The following CEP295 variants were observed in gnomAD, a reference collection of about 807,000 sequenced individuals.
The protein encoded by CEP295 is centrosomal protein 295.
In CEP295, 190 loss-of-function variants were observed where a neutral mutation model predicts 291.6. That is an observed-to-expected ratio of 0.65 (90% CI 0.58 to 0.73). The LOEUF is 0.73. Ranked by LOEUF, CEP295 falls within the 30% of genes least tolerant of loss-of-function variation. The probability of loss-of-function intolerance (pLI) is 0.00; values close to 1 mark genes in which losing one functional copy is unlikely to be tolerated. For synonymous variants in CEP295, 993 were observed against 1,038.8 expected (o/e 0.96, Z 0.85); for missense variants, 2,863 against 2,949.4 (o/e 0.97, Z 0.68).
intron 9 of CEP295, among the ~76,000 whole-genome samples, chr11:93,686,188 G>A (rs1481281286): frequency 1.3e-5 from 2 of 151,842 alleles, no homozygotes; most frequent in African/African-American, 2.4e-5. Context: ...GTGTAGTGGC[G>A]CTCACCTGTA....
chr11:93,668,767 T>C, intron 3 of CEP295, 41 bp from the exon 4 acceptor site: 1 of 1,381,238 alleles, frequency 7.2e-7, no homozygotes, highest in Non-Finnish European at 9.8e-7. Context: ...ATTTCTATTA[T>C]TCTTGTTTAA....
chr11:93,691,580 A>G (rs1951555387), intron 10 of CEP295, 103 bp from the exon 11 acceptor site: 2 of 692,062 alleles, frequency 2.9e-6, no homozygotes, highest in African/African-American at 1.8e-5. Context: ...TGAGACATTC[A>G]GATGGCCCTA....
At chr11:93,663,163 G>A (rs1274642533) in intron 1 of CEP295, among the ~76,000 whole-genome samples, 1 of 152,156 alleles carries the variant, frequency 6.6e-6, no homozygotes, top group Non-Finnish European at 1.5e-5. Flanking sequence ...TTTGCACTGA[G>A]GCCATGCTTC....
At chr11:93,720,238 C>T (rs2434985) in intron 18 of CEP295, among the ~76,000 whole-genome samples, 2 of 151,422 alleles carry the variant, frequency 1.3e-5, no homozygotes, top group Non-Finnish European at 2.9e-5. Flanking sequence ...TTTGGGAGGC[C>T]GAGGTGGGCG....
chr11:93,730,197 A>G (rs1470643201), intron 29 of CEP295, 34 bp from the exon 30 acceptor site: 3 of 1,551,374 alleles, frequency 1.9e-6, no homozygotes, highest in Non-Finnish European at 2.6e-6. Flanking sequence ...CATGAAGTAC[A>G]CAACTGAAAC....
intron 19 of CEP295, 26 bp from the exon 20 acceptor site, chr11:93,721,928 G>A (rs768796606): frequency 2.7e-5 from 41 of 1,495,694 alleles, no homozygotes; most frequent in Non-Finnish European, 3.7e-5. Flanking sequence ...GCTACATTGT[G>A]GTATGATATT....
chr11:93,678,980 A>G (rs1484564616), intron 6 of CEP295, among the ~76,000 whole-genome samples: 2 of 152,038 alleles, frequency 1.3e-5, no homozygotes, highest in African/African-American at 4.8e-5. Flanking sequence ...TCTCAGCCTC[A>G]CGAGTAGCTG....
chr11:93,682,012 A>G (rs2082059764), intron 7 of CEP295, among the ~76,000 whole-genome samples: 1 of 152,102 alleles, frequency 6.6e-6, no homozygotes, highest in African/African-American at 2.4e-5. Context: ...ATAATCCAAA[A>G]GGAATAATAT....
chr11:93,697,935 C>T lies in CEP295; in HGVS notation c.3023C>T (p.Pro1008Leu). The T allele has an allele frequency of 6.4e-7, 1 of 1,551,688 alleles. No individual in the cohort carries two copies. The highest frequency in any genetic ancestry group is 1.2e-5 in the South Asian group (1 of 84,048). Residue 1008 changes from proline to leucine, a missense_variant, in exon 15 of 30, where the codon CCA (proline) becomes CTA (leucine). Pro to Leu is a moderately conservative substitution (Grantham distance 98). This residue lies in a region of CEP295 where 2,295 missense variants were observed against 2,335.7 expected (regional missense o/e 0.98). Transcript: ENST00000325212. ...QVAQHTFTSL[P>L]SADTKSGKIQ... ...GCTCAGCATACATTTACTTCACTAC[C>T]ATCTGCTGATACAAAATCTGGAAAA...
intron 18 of CEP295, among the ~76,000 whole-genome samples, chr11:93,712,065 A>T (rs528329101): frequency 6.6e-6 from 1 of 151,930 alleles, no homozygotes; most frequent in Non-Finnish European, 1.5e-5. Context: ...GTCTCCAGCT[A>T]TTATTTTACT....
At chr11:93,668,729 A>G (rs1950299532) in intron 3 of CEP295, 79 bp from the exon 4 acceptor site, 22 of 1,068,728 alleles carry the variant, frequency 2.1e-5, no homozygotes, top group Non-Finnish European at 3.0e-5. Flanking sequence ...CAAAATTGAT[A>G]AATCACTTCT....
chr11:93,714,044 G>A (rs1317411561), intron 18 of CEP295, among the ~76,000 whole-genome samples: 5 of 152,010 alleles, frequency 3.3e-5, no homozygotes, highest in Non-Finnish European at 7.4e-5. Context: ...TTATCTGATA[G>A]GATTCTGAAT....
intron 5 of CEP295, among the ~76,000 whole-genome samples, chr11:93,673,805 C>T (rs942664677): frequency 9.2e-5 from 14 of 151,840 alleles, no homozygotes; most frequent in Non-Finnish European, 1.6e-4. Flanking sequence ...AGCTTTTTAA[C>T]AATGCTAATA....
intron 12 of CEP295, among the ~76,000 whole-genome samples, chr11:93,694,921 C>A (rs1275026841): frequency 1.3e-5 from 2 of 152,146 alleles, no homozygotes; most frequent in African/African-American, 4.8e-5. Flanking sequence ...CTCATAGTTA[C>A]TCAAACATGT....
At chr11:93,717,322 T>G (rs1953339505) in intron 18 of CEP295, among the ~76,000 whole-genome samples, 1 of 152,206 alleles carries the variant, frequency 6.6e-6, no homozygotes, top group African/African-American at 2.4e-5. Context: ...TGATAACCTC[T>G]AGCTAAAGAC....
At chr11:93,668,454 A>G (rs7939847) in intron 3 of CEP295, among the ~76,000 whole-genome samples, 131,723 of 151,038 alleles carry the variant, frequency 0.87, 57,535 homozygotes, top group East Asian at 0.99. Context: ...GCCTAATGCA[A>G]TGTTTCCCAA....
intron 18 of CEP295, among the ~76,000 whole-genome samples, chr11:93,711,744 C>T (rs904428688): frequency 1.3e-5 from 2 of 152,080 alleles, no homozygotes; most frequent in Non-Finnish European, 2.9e-5. Context: ...CGCCCAGGAA[C>T]AAGTGATCCG....
At chr11:93,705,317 AC>A (rs983003570) in intron 17 of CEP295, among the ~76,000 whole-genome samples, 8 of 152,158 alleles carry the variant, frequency 5.3e-5, no homozygotes, top group African/African-American at 1.7e-4. Flanking sequence ...AAATAGATAT[AC>A]AGTATATTTG....
intron 18 of CEP295, among the ~76,000 whole-genome samples, chr11:93,716,593 T>C (rs1953259408): frequency 6.6e-6 from 1 of 152,182 alleles, no homozygotes; most frequent in Non-Finnish European, 1.5e-5. Context: ...AGACTCAACG[T>C]CTAAAGACTG....
Sources: allele counts gnomAD v4.1 joint callset (sites outside exome capture counted in the v4.1 genomes callset), GRCh38; gene constraint gnomAD v4.1.1; regional missense constraint gnomAD v4.1.1; transcripts MANE v1.5; gene names NCBI Gene and HGNC (gene_info 2026-07-23, HGNC 2026-07-21).